EML6: variants seen among roughly 807,000 people sequenced by gnomAD.
EML6 encodes echinoderm microtubule-associated protein-like 6.
Under a neutral mutation model 240.1 loss-of-function variants are expected in EML6, and 154 were observed. The observed-to-expected ratio is 0.64, with a 90% confidence interval of 0.56 to 0.73. EML6 has a LOEUF of 0.73. Among genes scored for constraint, EML6 ranks in the 30% least tolerant of loss-of-function variants. The pLI, the probability that EML6 is intolerant of heterozygous loss-of-function variation, is 0.00. For missense variants in EML6, 2,964 were observed against 2,474.6 expected (o/e 1.20, Z -4.20); for synonymous variants, 1,148 against 899.0 (o/e 1.28, Z -4.95).
At chr2:54,782,697 C>G (rs1159821432) in intron 2 of EML6, among the ~76,000 whole-genome samples, 1 of 140,518 alleles carries the variant, frequency 7.1e-6, no homozygotes, top group Admixed American at 7.2e-5. Context: ...ATTCTGTCTT[C>G]TTGTCTTCTT....
chr2:54,829,183 A>G (rs546875376), intron 6 of EML6, among the ~76,000 whole-genome samples, 159 bp from the exon 7 acceptor site: 2 of 152,366 alleles, frequency 1.3e-5, no homozygotes, highest in East Asian at 1.9e-4. Context: ...GAACAGTGTT[A>G]TAAATGGCTA....
At chr2:54,739,054 T>TTG (rs1366610919) in intron 2 of EML6, among the ~76,000 whole-genome samples, 2 of 152,214 alleles carry the variant, frequency 1.3e-5, no homozygotes, top group African/African-American at 4.8e-5. Flanking sequence ...ACCAAAGTGG[T>TTG]TGTGTCGATT....
At chr2:54,775,116 A>T (rs553941562) in intron 2 of EML6, among the ~76,000 whole-genome samples, 1 of 152,336 alleles carries the variant, frequency 6.6e-6, no homozygotes, top group African/African-American at 2.4e-5. Context: ...GCCAGTTCCC[A>T]CTTTTTGCTC....
chr2:54,963,662 T>C (rs1192511112), intron 36 of EML6, among the ~76,000 whole-genome samples: 1 of 152,216 alleles, frequency 6.6e-6, no homozygotes, highest in African/African-American at 2.4e-5. Context: ...ATTCAGGTAC[T>C]GAGGCTGTCT....
chr2:54,936,253 A>G (rs1223659678), intron 28 of EML6, among the ~76,000 whole-genome samples: 2 of 152,236 alleles, frequency 1.3e-5, no homozygotes, highest in South Asian at 2.1e-4. Context: ...ATTGATATGT[A>G]GCATCTAATA....
intron 36 of EML6, among the ~76,000 whole-genome samples, chr2:54,963,144 G>C (rs1360173029): frequency 1.2e-4 from 4 of 34,374 alleles, no homozygotes; most frequent in Non-Finnish European, 2.4e-4. Flanking sequence ...GGGTGGGAGG[G>C]AACAAAGAGT....
chr2:54,874,930 T>C lies in EML6; in HGVS notation c.2344+3325T>C, dbSNP rs10432675. Among the ~76,000 whole-genome samples the C allele has an allele frequency of 2.0e-4, 31 of 152,284 alleles. No homozygotes were observed. In the East Asian group the frequency reaches 5.0e-3, roughly 25 times the overall value. ...GATCCAAAGGCAGAACCCAGGTCCATTGTGAGAGCCACCAGGCCTGGGTTT... is the reference window on the plus strand; with the variant it reads ...GATCCAAAGGCAGAACCCAGGTCCACTGTGAGAGCCACCAGGCCTGGGTTT... On this transcript the variant is annotated intron_variant, in intron 16 of 41. Coordinates refer to ENST00000356458, the MANE Select transcript of EML6 (RefSeq NM_001039753.4).
intron 26 of EML6, among the ~76,000 whole-genome samples, chr2:54,917,488 C>T (rs993244471): frequency 1.3e-5 from 2 of 151,740 alleles, no homozygotes; most frequent in Non-Finnish European, 2.9e-5. Flanking sequence ...CTCAGCCTCC[C>T]GAGTAGCTGG....
At chr2:54,772,390 T>C (rs965739846) in intron 2 of EML6, among the ~76,000 whole-genome samples, 1 of 152,202 alleles carries the variant, frequency 6.6e-6, no homozygotes, top group African/African-American at 2.4e-5. Flanking sequence ...GTGTGGACTT[T>C]GAAGGATTTC....
chr2:54,805,156 T>A (rs1049782622), intron 2 of EML6, among the ~76,000 whole-genome samples: 2 of 152,212 alleles, frequency 1.3e-5, no homozygotes, highest in Non-Finnish European at 2.9e-5. Flanking sequence ...GTTCCATTTC[T>A]GTTTATGGCT....
intron 7 of EML6, among the ~76,000 whole-genome samples, chr2:54,837,782 C>G (rs867709587): frequency 2.6e-5 from 4 of 152,210 alleles, no homozygotes; most frequent in Middle Eastern, 3.2e-3. Context: ...AAGTCTTGCT[C>G]TGGTCCAGAC....
chr2:54,867,891 C>A (rs572520618), intron 14 of EML6: 1 of 152,110 alleles, frequency 6.6e-6, no homozygotes, highest in African/African-American at 2.4e-5. Context: ...GCTTGAGAGT[C>A]CTTTGTCACC....
chr2:54,925,158 G>C (rs1232205628), intron 26 of EML6, among the ~76,000 whole-genome samples: 1 of 152,052 alleles, frequency 6.6e-6, no homozygotes, highest in East Asian at 1.9e-4. Flanking sequence ...CCTTATAGAA[G>C]AGATGCCAGA....
chr2:54,738,993 A>T (rs1683517673), intron 2 of EML6, among the ~76,000 whole-genome samples: 1 of 152,184 alleles, frequency 6.6e-6, no homozygotes, highest in Non-Finnish European at 1.5e-5. Flanking sequence ...CTGTAATCCC[A>T]GCACTTTGGG....
chr2:54,878,029 A>C (rs1671601401), intron 16 of EML6, among the ~76,000 whole-genome samples: 1 of 152,204 alleles, frequency 6.6e-6, no homozygotes, highest in Admixed American at 6.5e-5. Flanking sequence ...AATTTTAGGA[A>C]GCTCAATTAA....
At chr2:54,896,569 G>A (rs983812122) in intron 21 of EML6, among the ~76,000 whole-genome samples, 21 of 152,174 alleles carry the variant, frequency 1.4e-4, no homozygotes, top group African/African-American at 5.1e-4. Context: ...TTAGGTGGAA[G>A]AGGCATGGTG....
intron 38 of EML6, among the ~76,000 whole-genome samples, chr2:54,966,092 C>T (rs1044623011): frequency 6.6e-6 from 1 of 152,236 alleles, no homozygotes; most frequent in Admixed American, 6.5e-5. Flanking sequence ...TCCCTGCTTC[C>T]TGGAGCTTGC....
intron 2 of EML6, among the ~76,000 whole-genome samples, chr2:54,739,570 C>T (rs1473630152): frequency 6.6e-6 from 1 of 152,216 alleles, no homozygotes; most frequent in Non-Finnish European, 1.5e-5. Flanking sequence ...CTGTGTGAGG[C>T]GCTGGGGACC....
Position 54,794,047 on chromosome 2 carries a change from T to C in EML6, c.198-19185T>C, listed in dbSNP as rs569645283. ...TGAAAACTGACCCTTAATAAGCATT[T>C]TCCACTTTGCTGGCAGTGTACTAAG... On this transcript the variant is annotated intron_variant, in intron 2 of 41. Transcript: ENST00000356458. 2.6e-4 allele frequency among the ~76,000 whole-genome samples: 39 copies of C among 152,346 alleles called. 1 individual carries two copies. The South Asian group carries it at 8.1e-3, about 32-fold the overall frequency.
Sources: allele counts gnomAD v4.1 joint callset (sites outside exome capture counted in the v4.1 genomes callset), GRCh38; gene constraint gnomAD v4.1.1; transcripts MANE v1.5; gene names NCBI Gene and HGNC (gene_info 2026-07-23, HGNC 2026-07-21).